Variants in MMP26 observed in about 807,000 individuals in gnomAD.
MMP26 encodes matrix metallopeptidase 26, also known as matrix metalloproteinase-26.
MMP26 carries 33 observed loss-of-function variants against 31.0 expected under a neutral mutation model. The observed-to-expected ratio is 1.06, with a 90% CI of 0.81 to 1.42. The LOEUF is 1.42. Ranked by LOEUF, MMP26 falls within the 40% of genes most tolerant of loss-of-function variation. The pLI is 0.00. For missense variants in MMP26, 347 were observed against 316.1 expected (o/e 1.10, Z -0.74); for synonymous variants, 122 against 114.9 (o/e 1.06, Z -0.40).
intron 2 of MMP26, among the ~76,000 whole-genome samples, chr11:4,934,166 T>C (rs1331493890): frequency 1.4e-5 from 2 of 138,530 alleles, no homozygotes; most frequent in East Asian, 4.4e-4. Flanking sequence ...TCCACAATGG[T>C]TGAACTAGTT....
chr11:4,739,126 G>C (rs11033634), intron 1 of MMP26, among the ~76,000 whole-genome samples: 27,370 of 152,102 alleles, frequency 0.18, 3,051 homozygotes, highest in African/African-American at 0.32. Context: ...AGGGATAGGA[G>C]TGAACTAGAT....
At chr11:4,807,216 G>A (rs998327079) in intron 2 of MMP26, among the ~76,000 whole-genome samples, 1 of 152,068 alleles carries the variant, frequency 6.6e-6, no homozygotes, top group Non-Finnish European at 1.5e-5. Flanking sequence ...GGGTCAAATG[G>A]TATTTCTAGT....
intron 2 of MMP26, among the ~76,000 whole-genome samples, chr11:4,940,641 G>C (rs1476219722): frequency 1.3e-5 from 2 of 152,172 alleles, no homozygotes; most frequent in Admixed American, 6.5e-5. Context: ...AGCAGGGGCT[G>C]TTTGAAAGAA....
At chr11:4,750,879 A>C (rs1252720923) in intron 1 of MMP26, among the ~76,000 whole-genome samples, 1 of 152,004 alleles carries the variant, frequency 6.6e-6, no homozygotes, top group African/African-American at 2.4e-5. Flanking sequence ...ACTATGCAAT[A>C]TATCCATGTA....
rs766603527 is a variant in MMP26 at position 4,769,100 on chromosome 11, A to C, written c.-145+1759A>C. On this transcript the variant is annotated intron_variant, in intron 2 of 7. Coordinates refer to ENST00000380390, the MANE Select transcript of MMP26 (RefSeq NM_021801.5). ...TACATTAGCCATCACTGAATGGACTACTCTGGGGGCTGACCGACCATAGCG... is the reference window on the plus strand; with the variant it reads ...TACATTAGCCATCACTGAATGGACTCCTCTGGGGGCTGACCGACCATAGCG... 43 of 1,597,060 alleles carry C rather than the reference A, an allele frequency of 2.7e-5. No homozygotes were observed. In the East Asian group the frequency reaches 7.4e-4, roughly 27 times the overall value.
chr11:4,718,290 A>G (rs1414113722), intron 1 of MMP26, among the ~76,000 whole-genome samples: 1 of 152,254 alleles, frequency 6.6e-6, no homozygotes. Context: ...ACACACTTCA[A>G]CAAATATTTG....
At chr11:4,786,091 A>C (rs757403832) in intron 2 of MMP26, among the ~76,000 whole-genome samples, 28 of 152,132 alleles carry the variant, frequency 1.8e-4, no homozygotes, top group Non-Finnish European at 8.8e-5. Flanking sequence ...TAAAGCCCTG[A>C]CCTGTGGATT....
At chr11:4,860,563 ATGT>A (rs1425608170) in intron 2 of MMP26, 12 of 460,128 alleles carry the variant, frequency 2.6e-5, no homozygotes, top group South Asian at 8.0e-5. Flanking sequence ...CAAGTTCGTC[ATGT>A]TGTTCTCACC....
In MMP26 at chr11:4,900,335, T is replaced by C. The variant is rs529013547; in HGVS notation, c.-144-87733T>C. Among the ~76,000 whole-genome samples the C allele has an allele frequency of 2.0e-5, 3 of 152,344 alleles. No individual in the cohort carries two copies. The East Asian group carries it at 5.8e-4, about 29-fold the overall frequency. On this transcript the variant is annotated intron_variant, in intron 2 of 7. Coordinates refer to ENST00000380390, the MANE Select transcript of MMP26 (RefSeq NM_021801.5). ...CACCCATCATATGTGTCAATTTCTA[T>C]CAAGTTCATTTGCTGCCTTTTGTGG...
chr11:4,709,850 C>G (rs1263554472), intron 1 of MMP26: 1 of 457,004 alleles, frequency 2.2e-6, no homozygotes, highest in African/African-American at 2.0e-5. Flanking sequence ...CTCGAGAAAT[C>G]AGTTTTGATG....
chr11:4,967,800 A>G (rs1846616750), intron 2 of MMP26, among the ~76,000 whole-genome samples: 3 of 152,214 alleles, frequency 2.0e-5, no homozygotes, highest in Admixed American at 2.0e-4. Context: ...ATATAAGAAT[A>G]GTCAATAAAA....
At chr11:4,706,273 A>T (rs978186455) in intron 1 of MMP26, among the ~76,000 whole-genome samples, 1 of 151,990 alleles carries the variant, frequency 6.6e-6, no homozygotes, top group Non-Finnish European at 1.5e-5. Context: ...TAGCTATTCT[A>T]TTTATTTTTA....
chr11:4,744,338 A>T (rs1848352146), intron 1 of MMP26, among the ~76,000 whole-genome samples: 2 of 152,190 alleles, frequency 1.3e-5, no homozygotes. Context: ...TCCTATTGTA[A>T]ATTCTTAATT....
chr11:4,769,696 GC>G (rs1848687912), intron 2 of MMP26: 1 of 1,612,644 alleles, frequency 6.2e-7, no homozygotes, highest in African/African-American at 1.3e-5. Context: ...AAACAGTCAA[GC>G]CCAGATCAGT....
intron 2 of MMP26, among the ~76,000 whole-genome samples, chr11:4,894,502 C>T (rs1850673218): frequency 6.6e-6 from 1 of 152,046 alleles, no homozygotes; most frequent in Admixed American, 6.6e-5. Flanking sequence ...AAGGCCGAAG[C>T]CTTGGTCTTT....
intron 1 of MMP26, among the ~76,000 whole-genome samples, chr11:4,727,668 G>C (rs1044119600): frequency 2.0e-5 from 3 of 152,164 alleles, no homozygotes; most frequent in African/African-American, 4.8e-5. Context: ...AAATCAGTCA[G>C]GCATGGTGGC....
intron 1 of MMP26, among the ~76,000 whole-genome samples, chr11:4,750,145 A>G (rs1238809134): frequency 2.6e-5 from 4 of 152,140 alleles, no homozygotes; most frequent in Non-Finnish European, 5.9e-5. Context: ...AGTTTTCTAA[A>G]GAAGACATAC....
intron 2 of MMP26, among the ~76,000 whole-genome samples, chr11:4,853,466 AG>A (rs1850003683): frequency 6.6e-6 from 1 of 152,206 alleles, no homozygotes; most frequent in Non-Finnish European, 1.5e-5. Context: ...GAAAACCCTT[AG>A]CAAGCCTTAA....
chr11:4,846,689 G>A (rs1201722095), intron 2 of MMP26, among the ~76,000 whole-genome samples: 1 of 151,908 alleles, frequency 6.6e-6, no homozygotes, highest in Non-Finnish European at 1.5e-5. Flanking sequence ...AACCTACTGT[G>A]TACCCACAAA....
Sources: gnomAD v4.1 joint callset for allele counts (sites outside exome capture counted in the v4.1 genomes callset) on GRCh38, gnomAD v4.1.1 for gene constraint, MANE v1.5 for transcripts, NCBI Gene and HGNC (gene_info 2026-07-23, HGNC 2026-07-21) for gene names.